UNC93A: variants seen among roughly 807,000 people sequenced by gnomAD.
UNC93A encodes the protein unc-93 homolog A.
Under a neutral mutation model 47.5 loss-of-function variants are expected in UNC93A, and 43 were observed. The observed-to-expected ratio is 0.91, with a 90% confidence interval of 0.71 to 1.17. The LOEUF is 1.17. UNC93A is among the 50% of genes most tolerant of loss of function. The pLI is 0.00. For missense variants in UNC93A, 605 were observed against 577.6 expected (o/e 1.05, Z -0.49); for synonymous variants, 280 against 258.0 (o/e 1.09, Z -0.82).
At position 167,296,295 on chromosome 6, in the gene UNC93A, G is replaced by T. The variant is rs145593376; in HGVS notation, c.499+34G>T. Reference sequence around the variant, plus strand: ...AAAAGGGGCAAGCAATTGTCTCCAAGTGGAGCAGGGGTTTCAGTGATGGGG... The same window carrying T: ...AAAAGGGGCAAGCAATTGTCTCCAATTGGAGCAGGGGTTTCAGTGATGGGG... On this transcript the variant is annotated intron_variant, in intron 3 of 7. Transcript: ENST00000230256. 5.0e-6 allele frequency: 8 copies of T among 1,608,222 alleles called. No individual in the cohort carries two copies. In the African/African-American group the frequency reaches 1.1e-4, roughly 21 times the overall value.
upstream of UNC93A, among the ~76,000 whole-genome samples, chr6:167,290,142 A>C (rs1315448865): frequency 6.6e-6 from 1 of 152,208 alleles, no homozygotes; most frequent in Non-Finnish European, 1.5e-5. Flanking sequence ...CTAGCTAACA[A>C]ATTACAGGAT....
At chr6:167,269,227 G>A (rs990730897), upstream of UNC93A, among the ~76,000 whole-genome samples, 14 of 152,198 alleles carry the variant, frequency 9.2e-5, no homozygotes, top group Non-Finnish European at 1.8e-4. Flanking sequence ...CGCCCGTGCT[G>A]GCCAGAACAT....
At chr6:167,292,527 G>A (rs538422238) in intron 1 of UNC93A, among the ~76,000 whole-genome samples, 1 of 152,300 alleles carries the variant, frequency 6.6e-6, no homozygotes, top group Non-Finnish European at 1.5e-5. Flanking sequence ...GAATTCTCAA[G>A]TAATGTTTCC....
At position 167,291,485 on chromosome 6, in the gene UNC93A, G is replaced by C; in HGVS notation, c.-5G>C. The stretch of plus-strand genomic sequence containing the variant: ...CACTGGTGATTGATCTTTTCATCCA[G>C]CACAATGGACAGAAGTCTAAGGAAC... On this transcript the variant is annotated 5_prime_UTR_variant, in exon 1 of 8. Transcript: ENST00000230256. The C allele has an allele frequency of 6.2e-7, 1 of 1,612,776 alleles. No homozygotes were observed. Among genetic ancestry groups the C allele is most frequent in the Non-Finnish European group, 8.5e-7 (1 of 1,179,578 alleles).
intron 1 of UNC93A, among the ~76,000 whole-genome samples, chr6:167,292,836 A>C (rs1356234560): frequency 6.6e-6 from 1 of 152,086 alleles, no homozygotes; most frequent in Non-Finnish European, 1.5e-5. Context: ...TCTCTTTAGA[A>C]AGCTCACCTG....
chr6:167,303,819 C>G, intron 4 of UNC93A, 100 bp from the exon 5 acceptor site: 1 of 1,141,646 alleles, frequency 8.8e-7, no homozygotes, highest in African/African-American at 1.5e-5. Flanking sequence ...TGAATTAGCC[C>G]TCCCTCGCGA....
chr6:167,299,334 G>A (rs944500124), intron 4 of UNC93A, among the ~76,000 whole-genome samples: 31 of 152,168 alleles, frequency 2.0e-4, no homozygotes, highest in Admixed American at 1.3e-4. Context: ...GCACTCTGCC[G>A]GGGTCAGAGG....
At position 167,309,152 on chromosome 6, in the gene UNC93A, G is replaced by A. The variant is rs117849324; in HGVS notation, c.1108+1242G>A. Among the ~76,000 whole-genome samples, 1,505 of 152,242 alleles carry A rather than the reference G, an allele frequency of 9.9e-3. 10 individuals carry two copies. The highest frequency in any genetic ancestry group is 0.016 in the Non-Finnish European group (1,105 of 68,014). ...GAGGCAGGAGAATCACTTGAACTCC[G>A]GAGGCAGAGGTCATAGTTAGCCGAG... On this transcript the variant is annotated intron_variant, in intron 7 of 7. Coordinates refer to ENST00000230256, the MANE Select transcript of UNC93A (RefSeq NM_018974.4).
chr6:167,270,358 T>G (rs397728), upstream of UNC93A, among the ~76,000 whole-genome samples: 76,059 of 151,854 alleles, frequency 0.5, 19,044 homozygotes, highest in South Asian at 0.54. Context: ...CAAACTGGCC[T>G]TAACTATGAG....
upstream of UNC93A, among the ~76,000 whole-genome samples, chr6:167,270,049 G>C (rs1389631100): frequency 7.0e-6 from 1 of 143,438 alleles, no homozygotes; most frequent in Non-Finnish European, 1.5e-5. Flanking sequence ...GGCTGCACGG[G>C]GTGGGGGTGG....
intron 6 of UNC93A, among the ~76,000 whole-genome samples, chr6:167,306,969 G>T (rs1778414550): frequency 6.6e-6 from 1 of 152,166 alleles, no homozygotes; most frequent in Admixed American, 6.5e-5. Flanking sequence ...CGAGTCACAA[G>T]GTGGGGCCCA....
rs1332785997 is a variant in UNC93A at position 167,303,956 on chromosome 6, C to A, written c.663C>A (p.Phe221Leu). 3.1e-6 allele frequency: 5 copies of A among 1,613,340 alleles called. No homozygotes were observed. The highest frequency in any genetic ancestry group is 3.4e-6 in the Non-Finnish European group (4 of 1,179,944). The change falls in exon 5 of 8, where the codon TTC (phenylalanine) becomes TTA (leucine). Residue 221 changes from phenylalanine to leucine, a missense_variant. Coordinates refer to ENST00000230256, the MANE Select transcript of UNC93A (RefSeq NM_018974.4). ...GVLAVLMIAAFLQPIRDVQRE... is the reference protein window; with the variant it reads ...GVLAVLMIAALLQPIRDVQRE... ...TGGCTGTCCTGATGATAGCTGCGTTCCTCCAACCCATACGAGATGTTCAGC... is the reference window on the plus strand; with the variant it reads ...TGGCTGTCCTGATGATAGCTGCGTTACTCCAACCCATACGAGATGTTCAGC...
Position 167,304,257 on chromosome 6 carries a change from C to G in UNC93A, c.840+124C>G. On this transcript the variant is annotated intron_variant, in intron 5 of 7. Coordinates refer to ENST00000230256, the MANE Select transcript of UNC93A (RefSeq NM_018974.4). ...TGCCCAGGGCTGGGGCTGGAGGGAGCGGGGTCCTATGCTCCCAGTGCTACC... is the reference window on the plus strand; with the variant it reads ...TGCCCAGGGCTGGGGCTGGAGGGAGGGGGGTCCTATGCTCCCAGTGCTACC... 3 of 1,055,474 alleles carry G rather than the reference C, an allele frequency of 2.8e-6. 1 individual carries two copies. Among genetic ancestry groups the G allele is most frequent in the South Asian group, 2.9e-5 (2 of 69,356 alleles). 65.4% of individuals were successfully genotyped at this position (1,055,474 alleles called of 1,614,324 possible).
chr6:167,274,253 G>A (rs1472705006), intron 1 of UNC93A, among the ~76,000 whole-genome samples: 1 of 152,192 alleles, frequency 6.6e-6, no homozygotes, highest in Non-Finnish European at 1.5e-5. Flanking sequence ...AGGAATTTGG[G>A]CAGGAGAAGA....
intron 1 of UNC93A, among the ~76,000 whole-genome samples, chr6:167,279,605 A>G (rs757144661): frequency 6.6e-6 from 1 of 152,182 alleles, no homozygotes; most frequent in African/African-American, 2.4e-5. Context: ...ATTTTATTCC[A>G]TGTGAGTGAG....
intron 1 of UNC93A, among the ~76,000 whole-genome samples, chr6:167,271,879 G>A (rs1001854197): frequency 1.3e-5 from 2 of 152,140 alleles, no homozygotes; most frequent in African/African-American, 2.4e-5. Context: ...TTCTAGGGCA[G>A]CAAACTGCAG....
At chr6:167,270,938 G>C (rs1191185858), upstream of UNC93A, among the ~76,000 whole-genome samples, 3 of 152,194 alleles carry the variant, frequency 2.0e-5, no homozygotes, top group Non-Finnish European at 4.4e-5. Context: ...CTAACACAAA[G>C]GGGCATTTGA....
chr6:167,312,397 A>G (rs1423018956), intron 7 of UNC93A, among the ~76,000 whole-genome samples: 1 of 152,162 alleles, frequency 6.6e-6, no homozygotes, highest in Non-Finnish European at 1.5e-5. Flanking sequence ...AGAAGACAGC[A>G]GCTAATCTCC....
intron 7 of UNC93A, among the ~76,000 whole-genome samples, chr6:167,309,507 AG>A (rs1246514830): frequency 6.6e-6 from 1 of 152,162 alleles, no homozygotes; most frequent in Non-Finnish European, 1.5e-5. Flanking sequence ...CTCGGAGGTG[AG>A]CATGGCTCAC....
Sources: gnomAD v4.1 joint callset for allele counts (sites outside exome capture counted in the v4.1 genomes callset) on GRCh38, gnomAD v4.1.1 for gene constraint, MANE v1.5 for transcripts, NCBI Gene and HGNC (gene_info 2026-07-23, HGNC 2026-07-21) for gene names.